RORA: variants seen among roughly 807,000 people sequenced by gnomAD.
The protein encoded by RORA is RAR related orphan receptor A.
In RORA, 7 loss-of-function variants were observed where a neutral mutation model predicts 69.5. That is an observed-to-expected ratio of 0.10 (90% CI 0.06 to 0.19). The LOEUF (loss-of-function observed/expected upper bound fraction) is 0.19. RORA is among the 10% of genes least tolerant of loss of function. The pLI, the probability that RORA is intolerant of heterozygous loss-of-function variation, is 1.00. For missense variants in RORA, 457 were observed against 663.0 expected (o/e 0.69, Z 3.41); for synonymous variants, 261 against 240.8 (o/e 1.08, Z -0.78).
intron 2 of RORA, among the ~76,000 whole-genome samples, chr15:60,625,122 A>C (rs1125683): frequency 1.3e-5 from 2 of 151,822 alleles, no homozygotes; most frequent in East Asian, 1.9e-4. Context: ...TTTTCAACCA[A>C]GCTCCAATGG....
rs1254347448 is a variant in RORA at position 61,131,720 on chromosome 15, G to C, written c.166+97333C>G. On this transcript the variant is annotated intron_variant, in intron 1 of 10. Coordinates refer to ENST00000335670, the MANE Select transcript of RORA (RefSeq NM_134261.3). This position sits in a 1 kb window ranked among gnomAD's most constrained non-coding sequence, Gnocchi z 4.2. ...CAACATCGGAGCTCAATTTGGTACAGTGGAAAAACATACTGAGCAGAAATT... is the reference window on the plus strand; with the variant it reads ...CAACATCGGAGCTCAATTTGGTACACTGGAAAAACATACTGAGCAGAAATT... Among the ~76,000 whole-genome samples, 6 of 152,240 alleles carry C rather than the reference G, an allele frequency of 3.9e-5. No homozygotes were observed. The highest frequency in any genetic ancestry group is 1.4e-4 in the African/African-American group (6 of 41,464).
At position 60,563,250 on chromosome 15, in the gene RORA, A is replaced by G. The variant is rs1229066407; in HGVS notation, c.197-31399T>C. ...AGTGCAAGATGCTGATGGTGCAAAT[A>G]CCAGGTGTGCCAGACAACTGCTCAG... On this transcript the variant is annotated intron_variant, in intron 2 of 10. Transcript: ENST00000335670. Among the ~76,000 whole-genome samples the G allele has an allele frequency of 2.0e-5, 3 of 152,350 alleles. No homozygotes were observed. In the East Asian group the frequency reaches 5.8e-4, roughly 29 times the overall value.
At chr15:60,762,734 C>T (rs1348028941) in intron 1 of RORA, among the ~76,000 whole-genome samples, 1 of 152,154 alleles carries the variant, frequency 6.6e-6, no homozygotes, top group African/African-American at 2.4e-5. Context: ...ATCATCTAAC[C>T]GCTACCCTAA....
chr15:60,887,821 G>T (rs1595793841), intron 1 of RORA, among the ~76,000 whole-genome samples: 1 of 152,180 alleles, frequency 6.6e-6, no homozygotes, highest in East Asian at 1.9e-4. Context: ...AGCAGGAGAA[G>T]ATGTGGAGGT....
rs748598227 is a variant in RORA, at chr15:60,941,703, G to T, written c.167-263017C>A. On this transcript the variant is annotated intron_variant, in intron 1 of 10. Coordinates refer to ENST00000335670, the MANE Select transcript of RORA (RefSeq NM_134261.3). ...TTAGATCTCAAGACAAGGAATTTTT[G>T]ATCTCACTTTTTTACGCAATTATGA... Among the ~76,000 whole-genome samples, 7 of 152,192 alleles carry T rather than the reference G, an allele frequency of 4.6e-5. No homozygotes were observed. The South Asian group carries it at 6.2e-4, about 14-fold the overall frequency.
At chr15:60,560,551 T>C (rs182758537) in intron 2 of RORA, among the ~76,000 whole-genome samples, 10 of 150,392 alleles carry the variant, frequency 6.6e-5, no homozygotes, top group Non-Finnish European at 1.2e-4. Context: ...TAGCCGAGTG[T>C]GGTGGTGCCA....
intron 1 of RORA, among the ~76,000 whole-genome samples, chr15:60,833,378 G>T (rs532571775): frequency 1.3e-5 from 2 of 152,062 alleles, no homozygotes; most frequent in Non-Finnish European, 1.5e-5. Context: ...ACCACGCCTG[G>T]CTAATTTTTG....
At position 61,067,188 on chromosome 15, in the gene RORA, T is replaced by C. The variant is rs566218410; in HGVS notation, c.166+161865A>G. On this transcript the variant is annotated intron_variant, in intron 1 of 10. Coordinates refer to ENST00000335670, the MANE Select transcript of RORA (RefSeq NM_134261.3). ...GTGCAGTGGCATGATCTCAGTTCAC[T>C]GCAACCTCTGCCTCCCGGGTTCAAG... is the stretch of plus-strand genomic sequence containing the variant. 1.6e-3 allele frequency among the ~76,000 whole-genome samples: 246 copies of C among 151,714 alleles called. 1 individual carries two copies. Among genetic ancestry groups the C allele is most frequent in the African/African-American group, 5.7e-3 (237 of 41,328 alleles).
In RORA at chr15:61,147,371, G is replaced by T. The variant is rs977784938; in HGVS notation, c.166+81682C>A. Among the ~76,000 whole-genome samples the T allele has an allele frequency of 3.9e-5, 6 of 152,092 alleles. No homozygotes were observed. Among genetic ancestry groups the T allele is most frequent in the Admixed American group, 2.0e-4 (3 of 15,276 alleles). ...GTTCCTGCTGGAAGCCATGTTGCCTGGGCACCGTGAGGCTCACCCTCCCTC... is the reference window on the plus strand; with the variant it reads ...GTTCCTGCTGGAAGCCATGTTGCCTTGGCACCGTGAGGCTCACCCTCCCTC... On this transcript the variant is annotated intron_variant, in intron 1 of 10. Coordinates refer to ENST00000335670, the MANE Select transcript of RORA (RefSeq NM_134261.3). This position sits in a 1 kb window ranked among gnomAD's most constrained non-coding sequence, Gnocchi z 4.1.
rs151021430 is a variant in RORA, at chr15:60,631,238, C to A, written c.196+47419G>T. Among the ~76,000 whole-genome samples the A allele has an allele frequency of 4.0e-3, 614 of 152,280 alleles. 2 individuals carry two copies. The highest frequency in any genetic ancestry group is 0.016 in the East Asian group (82 of 5,178). On this transcript the variant is annotated intron_variant, in intron 2 of 10. Transcript: ENST00000335670. ...GCTTTCTTTTCCCAATCTTAAGCAG[C>A]CCATCTGGGGCTATGTGACTGACCG... is the stretch of plus-strand genomic sequence containing the variant.
Position 60,511,317 on chromosome 15 carries a change from T to C in RORA, c.729A>G (p.Pro243=). The change falls in exon 5 of 11, where the codon CCA becomes CCG. Residue 243 remains proline, a synonymous_variant. Coordinates refer to ENST00000335670, the MANE Select transcript of RORA (RefSeq NM_134261.3). The surrounding 1 kb of genome is among the most constrained non-coding windows in gnomAD (Gnocchi z 6.4). ...CTGATGCTGGTGTGTAGTCACATAT[T>C]GGTTCTGGTTTGATTCCATTGATAT... ...GLDINGIKPE[P]ICDYTPASGF... The C allele has an allele frequency of 6.2e-7, 1 of 1,614,220 alleles. No homozygotes were observed. Among genetic ancestry groups the C allele is most frequent in the Non-Finnish European group, 8.5e-7 (1 of 1,180,034 alleles).
At chr15:60,588,501 G>A (rs2068402934) in intron 2 of RORA, among the ~76,000 whole-genome samples, 2 of 151,480 alleles carry the variant, frequency 1.3e-5, no homozygotes, top group African/African-American at 4.9e-5. Flanking sequence ...TCTCCAGTAA[G>A]TGGCCATTTA....
chr15:60,813,084 GCCAT>G (rs1411664278), intron 1 of RORA, among the ~76,000 whole-genome samples: 1 of 152,118 alleles, frequency 6.6e-6, no homozygotes, highest in African/African-American at 2.4e-5. Flanking sequence ...TTGTTTCTCT[GCCAT>G]CTGCAACATC....
intron 1 of RORA, among the ~76,000 whole-genome samples, chr15:61,214,896 T>C (rs1211436894): frequency 2.0e-5 from 3 of 148,686 alleles, no homozygotes; most frequent in Non-Finnish European, 4.5e-5. Context: ...GACGGAGTCT[T>C]GCTGTGTCCC....
intron 1 of RORA, among the ~76,000 whole-genome samples, chr15:60,828,920 C>A (rs1267247319): frequency 1.3e-5 from 2 of 152,154 alleles, no homozygotes; most frequent in East Asian, 3.9e-4. Context: ...CTTGCAATAT[C>A]CAAAGAGTTG....
At chr15:60,942,065 A>C (rs557021462) in intron 1 of RORA, among the ~76,000 whole-genome samples, 1 of 152,330 alleles carries the variant, frequency 6.6e-6, no homozygotes, top group East Asian at 1.9e-4. Flanking sequence ...ATATCTTCGG[A>C]AGATTCCCCC....
intron 5 of RORA, among the ~76,000 whole-genome samples, chr15:60,508,178 T>A (rs1359168653): frequency 6.6e-6 from 1 of 152,178 alleles, no homozygotes; most frequent in Non-Finnish European, 1.5e-5. Context: ...TCTGGAATAG[T>A]GAAATACCTT....
At chr15:60,679,856 T>C (rs912160902) in intron 1 of RORA, among the ~76,000 whole-genome samples, 6 of 152,168 alleles carry the variant, frequency 3.9e-5, no homozygotes, top group Admixed American at 2.0e-4. Context: ...GAAGTTGAAA[T>C]TACATAGCCC....
intron 1 of RORA, among the ~76,000 whole-genome samples, chr15:61,075,834 A>C (rs899295471): frequency 6.6e-6 from 1 of 152,200 alleles, no homozygotes; most frequent in Non-Finnish European, 1.5e-5. Context: ...GCAGTGGAGA[A>C]GCAAGCAGTC....
Sources: gnomAD v4.1 joint callset for allele counts (sites outside exome capture counted in the v4.1 genomes callset) on GRCh38, gnomAD v4.1.1 for gene constraint, Gnocchi (gnomAD v3.1) non-coding constraint, MANE v1.5 for transcripts, NCBI Gene and HGNC (gene_info 2026-07-23, HGNC 2026-07-21) for gene names.